The following LRRTM4 variants were observed in gnomAD, a reference collection of about 807,000 sequenced individuals.
LRRTM4 encodes leucine-rich repeat transmembrane neuronal protein 4.
A neutral mutation model predicts 47.6 loss-of-function variants in LRRTM4; 25 were observed. That is an observed-to-expected ratio of 0.53 (90% CI 0.38 to 0.73). LRRTM4 has a LOEUF of 0.73. Ranked by LOEUF, LRRTM4 falls within the 30% of genes least tolerant of loss-of-function variation. The pLI is 0.00. For synonymous variants in LRRTM4, 311 were observed against 269.5 expected, an observed-to-expected ratio of 1.15 and a Z score of -1.51; for missense variants, 638 against 713.4, an observed-to-expected ratio of 0.89 and a Z score of 1.20.
intron 3 of LRRTM4, among the ~76,000 whole-genome samples, chr2:77,271,004 G>A (rs1676176975): frequency 2.0e-5 from 3 of 152,172 alleles, no homozygotes; most frequent in Admixed American, 2.0e-4. Flanking sequence ...GGGAGAGACA[G>A]CCTGATTTCA....
intron 3 of LRRTM4, among the ~76,000 whole-genome samples, chr2:76,767,776 T>C (rs541867967): frequency 1.2e-4 from 18 of 152,310 alleles, no homozygotes; most frequent in African/African-American, 3.6e-4. Flanking sequence ...TATTTTTACA[T>C]GCCTCTTCAC....
intron 3 of LRRTM4, among the ~76,000 whole-genome samples, chr2:76,981,476 C>G (rs1189128423): frequency 6.6e-6 from 1 of 152,010 alleles, no homozygotes; most frequent in African/African-American, 2.4e-5. Flanking sequence ...CAGTCCAACT[C>G]TATTTGGAAA....
intron 3 of LRRTM4, among the ~76,000 whole-genome samples, chr2:76,957,647 T>C (rs1276851529): frequency 1.3e-5 from 2 of 151,758 alleles, no homozygotes; most frequent in African/African-American, 2.4e-5. Flanking sequence ...TGTCCTCTTA[T>C]GATAGTGCCA....
intron 3 of LRRTM4, among the ~76,000 whole-genome samples, chr2:76,789,853 T>A (rs1327513416): frequency 6.6e-6 from 1 of 152,188 alleles, no homozygotes; most frequent in Non-Finnish European, 1.5e-5. Flanking sequence ...ACTGAGTCTT[T>A]TTTACTTTAG....
intron 3 of LRRTM4, among the ~76,000 whole-genome samples, chr2:76,763,178 A>C (rs1256396458): frequency 6.6e-6 from 1 of 151,890 alleles, no homozygotes; most frequent in South Asian, 2.1e-4. Context: ...CTATTCCAGG[A>C]AAAAAAACAG....
At chr2:77,065,232 T>C (rs1679915258) in intron 3 of LRRTM4, among the ~76,000 whole-genome samples, 1 of 152,180 alleles carries the variant, frequency 6.6e-6, no homozygotes, top group African/African-American at 2.4e-5. Flanking sequence ...AAAACTCCTT[T>C]TCCACTCAAA....
At chr2:77,166,695 A>T (rs1027867964) in intron 3 of LRRTM4, among the ~76,000 whole-genome samples, 3 of 152,206 alleles carry the variant, frequency 2.0e-5, no homozygotes, top group African/African-American at 7.2e-5. Flanking sequence ...GACAAAAACA[A>T]GCAATGGGGA....
intron 3 of LRRTM4, among the ~76,000 whole-genome samples, chr2:77,121,214 T>A (rs1671513217): frequency 6.6e-6 from 1 of 151,820 alleles, no homozygotes; most frequent in African/African-American, 2.4e-5. Context: ...TCCTAAATTT[T>A]GTTTTACATG....
chr2:77,094,756 G>A (rs1015373916), intron 3 of LRRTM4, among the ~76,000 whole-genome samples: 4 of 151,938 alleles, frequency 2.6e-5, no homozygotes, highest in African/African-American at 7.3e-5. Flanking sequence ...TGGATACTTC[G>A]GTCACATCAT....
At chr2:77,152,988 ATAAT>A (rs1461890081) in intron 3 of LRRTM4, among the ~76,000 whole-genome samples, 1 of 152,208 alleles carries the variant, frequency 6.6e-6, no homozygotes, top group Admixed American at 6.5e-5. Flanking sequence ...GTAATATTCT[ATAAT>A]TAACTATATT....
At chr2:77,052,575 AT>A (rs113229609) in intron 3 of LRRTM4, among the ~76,000 whole-genome samples, 15 of 148,826 alleles carry the variant, frequency 1.0e-4, no homozygotes, top group South Asian at 2.1e-4. Context: ...TTCAACTGGT[AT>A]TTTTTTTTTA....
intron 3 of LRRTM4, among the ~76,000 whole-genome samples, chr2:76,872,118 C>A (rs1008292603): frequency 1.3e-5 from 2 of 152,022 alleles, no homozygotes; most frequent in Non-Finnish European, 2.9e-5. Context: ...TTGTTATGTA[C>A]CAATAGATAA....
chr2:77,149,696 A>T (rs567738140), intron 3 of LRRTM4, among the ~76,000 whole-genome samples: 2 of 152,330 alleles, frequency 1.3e-5, no homozygotes, highest in East Asian at 3.9e-4. Flanking sequence ...GTATGAAGGA[A>T]GATGCATGTG....
chr2:76,806,070 A>G (rs888814658), intron 3 of LRRTM4, among the ~76,000 whole-genome samples: 1 of 152,198 alleles, frequency 6.6e-6, no homozygotes, highest in African/African-American at 2.4e-5. Context: ...AGATGCACGT[A>G]CAGAACAAGG....
intron 3 of LRRTM4, among the ~76,000 whole-genome samples, chr2:77,287,897 G>C (rs1202944261): frequency 3.3e-5 from 5 of 152,092 alleles, no homozygotes; most frequent in Non-Finnish European, 7.4e-5. Context: ...GCACCCACTG[G>C]GGGTTTTGGA....
intron 3 of LRRTM4, among the ~76,000 whole-genome samples, chr2:76,885,031 C>T (rs1041829899): frequency 1.3e-5 from 2 of 151,776 alleles, no homozygotes; most frequent in African/African-American, 4.8e-5. Context: ...AAAGTATAAG[C>T]CTAGATAAAA....
At chr2:77,199,776 C>A (rs6547128) in intron 3 of LRRTM4, among the ~76,000 whole-genome samples, 30,115 of 151,832 alleles carry the variant, frequency 0.2, 5,757 homozygotes, top group African/African-American at 0.49. Context: ...AAGAAGGCTT[C>A]TTCATTATAA....
intron 3 of LRRTM4, among the ~76,000 whole-genome samples, chr2:77,286,438 C>A (rs1313163594): frequency 1.3e-5 from 2 of 151,422 alleles, no homozygotes; most frequent in African/African-American, 4.8e-5. Flanking sequence ...TAGTTAAAAT[C>A]TTTTAAAAAT....
intron 3 of LRRTM4, among the ~76,000 whole-genome samples, chr2:76,894,635 T>A (rs1165672568): frequency 6.6e-6 from 1 of 151,948 alleles, no homozygotes; most frequent in Non-Finnish European, 1.5e-5. Context: ...TTATATCTGG[T>A]GATGGTATTA....
Sources: gnomAD v4.1 joint callset for allele counts (sites outside exome capture counted in the v4.1 genomes callset) on GRCh38, gnomAD v4.1.1 for gene constraint, MANE v1.5 for transcripts, NCBI Gene and HGNC (gene_info 2026-07-23, HGNC 2026-07-21) for gene names.